ZBTB7C: variants seen among roughly 807,000 people sequenced by gnomAD.
The protein encoded by ZBTB7C is zinc finger and BTB domain containing 7C.
In ZBTB7C, 8 loss-of-function variants were observed where a neutral mutation model predicts 25.7. That is an observed-to-expected ratio of 0.31 (90% confidence interval 0.18 to 0.56). The LOEUF (loss-of-function observed/expected upper bound fraction) is 0.56. Among genes scored for constraint, ZBTB7C ranks in the 20% least tolerant of loss-of-function variants. The probability of loss-of-function intolerance (pLI) is 0.91; values close to 1 mark genes in which losing one functional copy is unlikely to be tolerated. For missense variants in ZBTB7C, 824 were observed against 855.2 expected, an observed-to-expected ratio of 0.96 and a Z score of 0.46; for synonymous variants, 394 against 369.0, an observed-to-expected ratio of 1.07 and a Z score of -0.78.
At chr18:48,267,617 T>G (rs571163608) in intron 2 of ZBTB7C, among the ~76,000 whole-genome samples, 1 of 152,176 alleles carries the variant, frequency 6.6e-6, no homozygotes, top group Non-Finnish European at 1.5e-5. Flanking sequence ...TCAATACGTG[T>G]CTCCATCAAA....
At chr18:48,378,090 G>T (rs1332429120) in intron 1 of ZBTB7C, among the ~76,000 whole-genome samples, 1 of 152,174 alleles carries the variant, frequency 6.6e-6, no homozygotes, top group Non-Finnish European at 1.5e-5. Flanking sequence ...GGCGGAGGTT[G>T]CAGTGAGCCG....
intron 2 of ZBTB7C, among the ~76,000 whole-genome samples, chr18:48,250,878 A>G (rs538989784): frequency 4.6e-5 from 7 of 151,830 alleles, no homozygotes; most frequent in Non-Finnish European, 8.8e-5. Context: ...TAACCCACTA[A>G]TGCTTCTTTT....
chr18:48,215,951 T>C (rs1051431402), intron 2 of ZBTB7C, among the ~76,000 whole-genome samples: 3 of 152,260 alleles, frequency 2.0e-5, no homozygotes, highest in African/African-American at 7.2e-5. Flanking sequence ...GTTATCTTAA[T>C]GGTACAAAAG....
chr18:48,101,395 T>C (rs535593653), intron 3 of ZBTB7C, among the ~76,000 whole-genome samples: 3 of 152,368 alleles, frequency 2.0e-5, no homozygotes, highest in African/African-American at 7.2e-5. Context: ...ACAACCTATA[T>C]GTTTAAATCA....
intron 2 of ZBTB7C, among the ~76,000 whole-genome samples, chr18:48,284,314 C>T (rs1419427010): frequency 6.6e-6 from 1 of 152,098 alleles, no homozygotes; most frequent in Non-Finnish European, 1.5e-5. Flanking sequence ...TAGGGCATGC[C>T]TGTAATCCCA....
At chr18:48,330,368 C>T (rs1237413125) in intron 2 of ZBTB7C, among the ~76,000 whole-genome samples, 1 of 152,160 alleles carries the variant, frequency 6.6e-6, no homozygotes, top group Non-Finnish European at 1.5e-5. Context: ...CTCTTGCCTG[C>T]TGTTCACATC....
rs201261592 is a variant in ZBTB7C at position 48,040,625 on chromosome 18, C to A, written c.483G>T (p.Glu161Asp). The A allele has an allele frequency of 8.6e-5, 139 of 1,611,222 alleles. No individual in the cohort carries two copies. Among genetic ancestry groups the A allele is most frequent in the Middle Eastern group, 5.0e-4 (3 of 6,038 alleles). The change falls in exon 4 of 5, where the codon GAG becomes GAT. Residue 161 changes from glutamate to aspartate, a missense_variant. By Grantham distance (45) the Glu-to-Asp change is conservative. Transcript: ENST00000590800. Reference sequence around the variant, plus strand: ...CCTCCGTGTCATCATCGTCATCCTCCTCCTCTTCCTCCTCCTCCTCTTCGT... The same window carrying A: ...CCTCCGTGTCATCATCGTCATCCTCATCCTCTTCCTCCTCCTCCTCTTCGT... ...EEDEEEEEEE[E>D]EDDDDDTEDF... is the part of the protein sequence containing the mutation.
intron 2 of ZBTB7C, among the ~76,000 whole-genome samples, chr18:48,293,750 G>T (rs113411638): frequency 6.6e-6 from 1 of 151,952 alleles, no homozygotes; most frequent in Non-Finnish European, 1.5e-5. Flanking sequence ...CAGTCACTTC[G>T]GTCCAGAACA....
chr18:48,119,954 C>T (rs902028105), intron 3 of ZBTB7C, among the ~76,000 whole-genome samples: 2 of 152,112 alleles, frequency 1.3e-5, no homozygotes, highest in Admixed American at 6.5e-5. Context: ...ATAAGCTGGA[C>T]AGACTGAAGA....
At chr18:48,059,584 T>C (rs571724128) in intron 3 of ZBTB7C, among the ~76,000 whole-genome samples, 2 of 152,272 alleles carry the variant, frequency 1.3e-5, no homozygotes, top group South Asian at 2.1e-4. Context: ...CAGGAGGGCC[T>C]GGAGAGGGCT....
At chr18:48,031,264 T>C (rs1438107891) in intron 4 of ZBTB7C, among the ~76,000 whole-genome samples, 1 of 152,128 alleles carries the variant, frequency 6.6e-6, no homozygotes, top group Admixed American at 6.5e-5. Flanking sequence ...TTCCCATGAA[T>C]ACTGGCAGGC....
At chr18:48,217,660 A>G (rs1296366843) in intron 2 of ZBTB7C, among the ~76,000 whole-genome samples, 1 of 152,090 alleles carries the variant, frequency 6.6e-6, no homozygotes, top group Non-Finnish European at 1.5e-5. Flanking sequence ...AAGCCCCCAG[A>G]GAGCCACACT....
intron 4 of ZBTB7C, among the ~76,000 whole-genome samples, chr18:48,036,733 A>T (rs2035988702): frequency 6.6e-6 from 1 of 152,144 alleles, no homozygotes; most frequent in Non-Finnish European, 1.5e-5. Flanking sequence ...TTCTGCGTCA[A>T]CGAGGCAGCC....
At chr18:48,403,135 C>T (rs2048199756) in intron 1 of ZBTB7C, among the ~76,000 whole-genome samples, 1 of 152,188 alleles carries the variant, frequency 6.6e-6, no homozygotes, top group African/African-American at 2.4e-5. Context: ...CACAACATTC[C>T]TGACTCTCCA....
rs993443319 is a variant in ZBTB7C, at chr18:48,078,393, A to T, written c.-16-37270T>A. 3.9e-5 allele frequency among the ~76,000 whole-genome samples: 6 copies of T among 151,928 alleles called. No individual in the cohort carries two copies. In the East Asian group the frequency reaches 1.2e-3, roughly 29 times the overall value. ...GCAGAGAACATGGTGTGGCCCCAGG[A>T]CCTCTGCTGCCTCTGGGGGGCATAC... On this transcript the variant is annotated intron_variant, in intron 3 of 4. Transcript: ENST00000590800.
intron 3 of ZBTB7C, among the ~76,000 whole-genome samples, chr18:48,094,952 C>T (rs2038560760): frequency 6.6e-6 from 1 of 152,132 alleles, no homozygotes; most frequent in Non-Finnish European, 1.5e-5. Context: ...AGCTGCCCTG[C>T]CTGAGAGACA....
At chr18:48,137,419 C>CT in intron 3 of ZBTB7C, 1 of 698,810 alleles carries the variant, frequency 1.4e-6, no homozygotes, top group Non-Finnish European at 1.8e-6. Flanking sequence ...TGGGTTTCCC[C>CT]CCACTCTCCT....
chr18:48,034,872 C>T (rs967600006), intron 4 of ZBTB7C, among the ~76,000 whole-genome samples: 6 of 152,172 alleles, frequency 3.9e-5, no homozygotes, highest in African/African-American at 1.4e-4. Context: ...TGAGCTCATT[C>T]CCAGAATCAA....
chr18:48,288,161 G>C (rs1359871734), intron 2 of ZBTB7C, among the ~76,000 whole-genome samples: 2 of 152,216 alleles, frequency 1.3e-5, no homozygotes, highest in African/African-American at 4.8e-5. Flanking sequence ...AGAATGTATA[G>C]CAATGTGTTA....
Sources: allele counts gnomAD v4.1 joint callset (sites outside exome capture counted in the v4.1 genomes callset), GRCh38; gene constraint gnomAD v4.1.1; transcripts MANE v1.5; gene names NCBI Gene and HGNC (gene_info 2026-07-23, HGNC 2026-07-21).